KHDRBS3: variants seen among roughly 807,000 people sequenced by gnomAD.
KHDRBS3 encodes the protein KH RNA binding domain containing, signal transduction associated 3, also known as KH domain-containing, RNA-binding, signal transduction-associated protein 3.
Under a neutral mutation model 45.6 loss-of-function variants are expected in KHDRBS3, and 23 were observed. That is an observed-to-expected ratio of 0.50 (90% CI 0.36 to 0.72). KHDRBS3 has a LOEUF of 0.72. KHDRBS3 is among the 30% of genes least tolerant of loss of function. The pLI is 0.00. For synonymous variants in KHDRBS3, 162 were observed against 156.5 expected (o/e 1.04, Z -0.26); for missense variants, 352 against 424.8 (o/e 0.83, Z 1.51).
intron 4 of KHDRBS3, among the ~76,000 whole-genome samples, chr8:135,654,194 T>G (rs1223585715): frequency 6.6e-6 from 1 of 152,214 alleles, no homozygotes; most frequent in Non-Finnish European, 1.5e-5. Context: ...TACCTTTTTC[T>G]TTTTATTGGC....
intron 6 of KHDRBS3, among the ~76,000 whole-genome samples, chr8:135,596,998 G>C (rs1036792529): frequency 6.6e-6 from 1 of 152,058 alleles, no homozygotes; most frequent in Non-Finnish European, 1.5e-5. Flanking sequence ...CTCTATTCCT[G>C]CTGCTATAAT....
intron 1 of KHDRBS3, among the ~76,000 whole-genome samples, chr8:135,468,527 C>T (rs1168647800): frequency 2.6e-5 from 4 of 152,158 alleles, no homozygotes; most frequent in African/African-American, 9.7e-5. Context: ...GTGGGCTGTG[C>T]ATTCTACTCA....
rs1586699837 is a variant in KHDRBS3, at chr8:135,547,092, C to T, written c.325-1662C>T. Among the ~76,000 whole-genome samples, 2 of 152,208 alleles carry T rather than the reference C, an allele frequency of 1.3e-5. 1 individual carries two copies. The highest frequency in any genetic ancestry group is 4.1e-4 in the South Asian group (2 of 4,830). ...TGTACATAGAATGCAATTTTTAAAACTTGAGCAATGAGAGAGATTCAGATC... is the reference window on the plus strand; with the variant it reads ...TGTACATAGAATGCAATTTTTAAAATTTGAGCAATGAGAGAGATTCAGATC... On this transcript the variant is annotated intron_variant, in intron 3 of 8. Transcript: ENST00000355849.
intron 6 of KHDRBS3, among the ~76,000 whole-genome samples, chr8:135,582,376 A>T (rs1828258153): frequency 1.3e-5 from 2 of 152,230 alleles, no homozygotes; most frequent in South Asian, 4.1e-4. Flanking sequence ...TTAATGTAAC[A>T]TTCTTGCATA....
At chr8:135,540,332 A>C (rs1458061669) in intron 2 of KHDRBS3, 2 of 152,158 alleles carry the variant, frequency 1.3e-5, no homozygotes, top group Non-Finnish European at 2.9e-5. Flanking sequence ...CTGTGGGAAA[A>C]CTCGAGAGCG....
chr8:135,644,503 T>C, intron 7 of KHDRBS3, among the ~76,000 whole-genome samples: 1 of 152,224 alleles, frequency 6.6e-6, no homozygotes, highest in East Asian at 1.9e-4. Flanking sequence ...CATCTGGGCA[T>C]TTGTTTTTAA....
chr8:135,533,849 C>T (rs1825600784), intron 2 of KHDRBS3, among the ~76,000 whole-genome samples: 3 of 152,164 alleles, frequency 2.0e-5, no homozygotes, highest in Admixed American at 6.5e-5. Flanking sequence ...GTTCGGAACA[C>T]TCAACATTAG....
At chr8:135,645,854 G>T (rs1023228325) in intron 8 of KHDRBS3, among the ~76,000 whole-genome samples, 1 of 152,218 alleles carries the variant, frequency 6.6e-6, no homozygotes, top group Non-Finnish European at 1.5e-5. Context: ...GGTACCCGGT[G>T]CAAGTATATC....
chr8:135,476,924 C>T (rs552165259), intron 1 of KHDRBS3, among the ~76,000 whole-genome samples: 9 of 152,212 alleles, frequency 5.9e-5, no homozygotes, highest in African/African-American at 1.9e-4. Flanking sequence ...AGTAGAAGTT[C>T]AGAAGAGAAA....
chr8:135,469,819 G>A (rs113235293), intron 1 of KHDRBS3, among the ~76,000 whole-genome samples: 2 of 152,076 alleles, frequency 1.3e-5, no homozygotes, highest in Non-Finnish European at 2.9e-5. Flanking sequence ...GAGCCACCGC[G>A]CCCGGCCAGG....
chr8:135,497,643 G>A (rs1038475547), intron 1 of KHDRBS3, among the ~76,000 whole-genome samples: 74 of 152,284 alleles, frequency 4.9e-4, no homozygotes, highest in African/African-American at 1.7e-3. Flanking sequence ...AATTGATAAT[G>A]TTTTACTATA....
At chr8:135,546,987 A>G (rs1227897771) in intron 3 of KHDRBS3, among the ~76,000 whole-genome samples, 2 of 152,196 alleles carry the variant, frequency 1.3e-5, no homozygotes, top group Non-Finnish European at 2.9e-5. Context: ...ATAATCTTTC[A>G]TTAACATCAT....
At chr8:135,500,469 C>T (rs1214926555) in intron 1 of KHDRBS3, among the ~76,000 whole-genome samples, 1 of 152,130 alleles carries the variant, frequency 6.6e-6, no homozygotes, top group East Asian at 1.9e-4. Flanking sequence ...ACAGAGGCTA[C>T]TCTGAAGAGG....
At chr8:135,635,896 G>T (rs538932636) in intron 7 of KHDRBS3, among the ~76,000 whole-genome samples, 8 of 152,280 alleles carry the variant, frequency 5.3e-5, no homozygotes, top group Admixed American at 3.9e-4. Context: ...TATCAAAAAA[G>T]TCATATTATC....
At chr8:135,500,265 T>C (rs148424153) in intron 1 of KHDRBS3, among the ~76,000 whole-genome samples, 1 of 152,040 alleles carries the variant, frequency 6.6e-6, no homozygotes, top group South Asian at 2.1e-4. Context: ...GGTTCTTTTT[T>C]TTTTTTGTAA....
intron 8 of KHDRBS3, among the ~76,000 whole-genome samples, chr8:135,646,670 C>T (rs1831301069): frequency 6.6e-6 from 1 of 152,134 alleles, no homozygotes; most frequent in African/African-American, 2.4e-5. Context: ...TAGCAAAAGG[C>T]AGTTCTCTTT....
At chr8:135,528,353 C>A (rs1011097311) in intron 2 of KHDRBS3, among the ~76,000 whole-genome samples, 2 of 152,030 alleles carry the variant, frequency 1.3e-5, no homozygotes, top group African/African-American at 4.8e-5. Flanking sequence ...AATTTAAAAC[C>A]CTTTAAATTA....
At chr8:135,631,000 G>A (rs1453247048) in intron 7 of KHDRBS3, among the ~76,000 whole-genome samples, 1 of 152,114 alleles carries the variant, frequency 6.6e-6, no homozygotes, top group Admixed American at 6.5e-5. Flanking sequence ...TGTAATCCCA[G>A]CACTTTGGGA....
At chr8:135,592,089 G>C (rs947060091) in intron 6 of KHDRBS3, among the ~76,000 whole-genome samples, 2 of 152,142 alleles carry the variant, frequency 1.3e-5, no homozygotes, top group Non-Finnish European at 2.9e-5. Context: ...AGAAGCCAGG[G>C]TAAGAGCAGT....
Sources: gnomAD v4.1 joint callset for allele counts (sites outside exome capture counted in the v4.1 genomes callset) on GRCh38, gnomAD v4.1.1 for gene constraint, MANE v1.5 for transcripts, NCBI Gene and HGNC (gene_info 2026-07-23, HGNC 2026-07-21) for gene names.